The following LARGE1 variants were observed in gnomAD, a reference collection of about 807,000 sequenced individuals.
LARGE1 encodes the protein LARGE xylosyl- and glucuronyltransferase 1.
In LARGE1, 43 loss-of-function variants were observed where a neutral mutation model predicts 87.6. That is an observed-to-expected ratio of 0.49 (90% CI 0.38 to 0.63). The LOEUF (loss-of-function observed/expected upper bound fraction) is 0.63, where lower values mean the gene tolerates loss of function less well. LARGE1 is among the 30% of genes least tolerant of loss of function. The pLI is 0.00. For missense variants in LARGE1, 802 were observed against 1,000.2 expected (o/e 0.80, Z 2.67); for synonymous variants, 434 against 394.6 (o/e 1.10, Z -1.18).
the LARGE1 span, among the ~76,000 whole-genome samples, chr22:33,140,201 A>G: frequency 1.3e-5 from 2 of 152,106 alleles, no homozygotes; most frequent in African/African-American, 4.8e-5. Context: ...GGTGGTGGGA[A>G]ATGCTGGCAG....
the LARGE1 span, among the ~76,000 whole-genome samples, chr22:33,083,686 T>C: frequency 3.9e-5 from 6 of 152,292 alleles, no homozygotes; most frequent in Non-Finnish European, 8.8e-5. Flanking sequence ...GAGTTCGAAG[T>C]GTGTTGAATG....
rs1364544253 is a variant in LARGE1, at chr22:33,771,174, C to T, written c.-82-9616G>A. ...CTCTCTATCCAGGTCTATTTTTTTG[C>T]TTTTTTTTTTTTTTGTATTCTCTCT... is the stretch of plus-strand genomic sequence containing the variant. On this transcript the variant is annotated intron_variant, in intron 1 of 14. Coordinates refer to ENST00000397394, the MANE Select transcript of LARGE1 (RefSeq NM_133642.5). Among the ~76,000 whole-genome samples the T allele has an allele frequency of 4.3e-5, 6 of 140,664 alleles. No homozygotes were observed. The East Asian group carries it at 1.2e-3, about 29-fold the overall frequency. The allele number at this position is 140,664 out of a possible 152,430, so 92.3% of individuals were successfully genotyped here. A position where few individuals can be genotyped will look rare whatever the true frequency, so the allele number is the denominator to read the frequency against.
chr22:33,456,745 T>C (rs925333853), intron 6 of LARGE1, among the ~76,000 whole-genome samples: 1 of 152,188 alleles, frequency 6.6e-6, no homozygotes, highest in Non-Finnish European at 1.5e-5. Flanking sequence ...TTTTAAGAAC[T>C]TGTTCATGGA....
intron 12 of LARGE1, among the ~76,000 whole-genome samples, chr22:33,284,281 G>A (rs780884297): frequency 6.6e-6 from 1 of 152,126 alleles, no homozygotes; most frequent in Non-Finnish European, 1.5e-5. Context: ...CACCAAACTG[G>A]GCACTTTCAG....
intron 9 of LARGE1, among the ~76,000 whole-genome samples, chr22:33,362,026 G>A (rs371521831): frequency 6.7e-6 from 1 of 149,424 alleles, no homozygotes; most frequent in East Asian, 1.9e-4. Context: ...AAGAACTAGA[G>A]CAAAGTTTCA....
chr22:33,103,893 A>C, the LARGE1 span, among the ~76,000 whole-genome samples: 4 of 152,274 alleles, frequency 2.6e-5, no homozygotes, highest in South Asian at 8.3e-4. Context: ...ATGGTTTTAT[A>C]AGGGGAAACC....
At chr22:33,247,942 T>C (rs1926840639) in intron 11 of LARGE1, among the ~76,000 whole-genome samples, 1 of 152,212 alleles carries the variant, frequency 6.6e-6, no homozygotes, top group African/African-American at 2.4e-5. Context: ...CCTCCAACCC[T>C]GGACCAGGGA....
At chr22:33,691,512 C>T (rs2082099967) in intron 2 of LARGE1, among the ~76,000 whole-genome samples, 1 of 152,134 alleles carries the variant, frequency 6.6e-6, no homozygotes, top group South Asian at 2.1e-4. Flanking sequence ...ACTACGCAAG[C>T]TCAAGACTGG....
chr22:33,745,037 C>T (rs1428386697), intron 2 of LARGE1, among the ~76,000 whole-genome samples: 1 of 152,186 alleles, frequency 6.6e-6, no homozygotes, highest in Non-Finnish European at 1.5e-5. Flanking sequence ...TTTCTATTAT[C>T]CCACACTAAG....
chr22:33,266,867 A>G (rs965641749), intron 11 of LARGE1, among the ~76,000 whole-genome samples: 1 of 123,164 alleles, frequency 8.1e-6, no homozygotes, highest in African/African-American at 3.3e-5. Flanking sequence ...GAGTCAGAGG[A>G]AAAAAAAAAA....
intron 11 of LARGE1, among the ~76,000 whole-genome samples, chr22:33,196,682 A>G (rs1020718203): frequency 1.3e-5 from 2 of 152,004 alleles, no homozygotes; most frequent in African/African-American, 4.8e-5. Flanking sequence ...TACTAATAAG[A>G]ATATTATAAA....
the LARGE1 span, among the ~76,000 whole-genome samples, chr22:33,095,063 T>C: frequency 6.6e-6 from 1 of 152,214 alleles, no homozygotes; most frequent in African/African-American, 2.4e-5. Flanking sequence ...GCACTTTGCA[T>C]TGTATTATTC....
intron 6 of LARGE1, among the ~76,000 whole-genome samples, chr22:33,511,763 T>C (rs1391983028): frequency 1.3e-5 from 2 of 152,200 alleles, no homozygotes; most frequent in Middle Eastern, 3.2e-3. Context: ...CAAATCTGAG[T>C]TATGTCAAGG....
At chr22:33,172,742 T>A (rs2146141647) in intron 11 of LARGE1, among the ~76,000 whole-genome samples, 1 of 152,154 alleles carries the variant, frequency 6.6e-6, no homozygotes, top group African/African-American at 2.4e-5. Context: ...ATTGATCAAG[T>A]GGAAGAGAGG....
chr22:33,685,714 G>A (rs2081924106), intron 2 of LARGE1, among the ~76,000 whole-genome samples: 1 of 152,228 alleles, frequency 6.6e-6, no homozygotes, highest in Non-Finnish European at 1.5e-5. Flanking sequence ...GATTGAGGCA[G>A]CTTTCCAAGA....
At position 33,626,235 on chromosome 22, in the gene LARGE1, TG is replaced by T; in HGVS notation, c.491+8del. The stretch of plus-strand genomic sequence containing the variant: ...ACCTCAGCCCACACAGCACAGAAGT[TG>T]TTCTTACCTATGGAACAGGACGGAT... On this transcript the variant is annotated splice_region_variant and intron_variant, in intron 4 of 14. Coordinates refer to ENST00000397394, the MANE Select transcript of LARGE1 (RefSeq NM_133642.5). The T allele has an allele frequency of 6.2e-7, 1 of 1,613,088 alleles. No homozygotes were observed. The highest frequency in any genetic ancestry group is 8.5e-7 in the Non-Finnish European group (1 of 1,179,030).
intron 1 of LARGE1, among the ~76,000 whole-genome samples, chr22:33,792,876 G>A (rs1475858746): frequency 6.6e-6 from 1 of 152,108 alleles, no homozygotes; most frequent in Non-Finnish European, 1.5e-5. Flanking sequence ...CAAAACCCCA[G>A]CCACGGGAAA....
intron 11 of LARGE1, among the ~76,000 whole-genome samples, chr22:33,194,261 C>T (rs1923950584): frequency 6.6e-6 from 1 of 152,040 alleles, no homozygotes; most frequent in Non-Finnish European, 1.5e-5. Flanking sequence ...AAATTAATTG[C>T]AGAAGAAAGT....
At chr22:33,474,136 A>T (rs73409033) in intron 6 of LARGE1, among the ~76,000 whole-genome samples, 6 of 152,150 alleles carry the variant, frequency 3.9e-5, no homozygotes, top group Admixed American at 3.9e-4. Flanking sequence ...TTGTTGGCCA[A>T]TGTATCTAGT....
Sources: allele counts gnomAD v4.1 joint callset (sites outside exome capture counted in the v4.1 genomes callset), GRCh38; gene constraint gnomAD v4.1.1; transcripts MANE v1.5; gene names NCBI Gene and HGNC (gene_info 2026-07-23, HGNC 2026-07-21).